ATRN: variants seen among roughly 807,000 people sequenced by gnomAD.
ATRN encodes the protein attractin-2.
ATRN carries 54 observed loss-of-function variants against 178.7 expected under a neutral mutation model. The ratio of observed to expected loss-of-function variants is 0.30; its 90% CI spans 0.24 to 0.38. The LOEUF (loss-of-function observed/expected upper bound fraction) is 0.38. ATRN is among the 10% of genes least tolerant of loss of function. The pLI, the probability that ATRN is intolerant of heterozygous loss-of-function variation, is 1.00. For missense variants in ATRN, 1,443 were observed against 1,815.1 expected (o/e 0.79, Z 3.73); for synonymous variants, 636 against 663.0 (o/e 0.96, Z 0.63).
intron 3 of ATRN, among the ~76,000 whole-genome samples, chr20:3,540,896 A>G (rs527500488): frequency 2.6e-5 from 4 of 152,250 alleles, no homozygotes; most frequent in African/African-American, 9.6e-5. Flanking sequence ...TTTTTTTTCA[A>G]TAAGTACATT....
At chr20:3,523,200 C>T (rs1168060098) in intron 1 of ATRN, among the ~76,000 whole-genome samples, 1 of 151,590 alleles carries the variant, frequency 6.6e-6, no homozygotes, top group East Asian at 1.9e-4. Flanking sequence ...ACTAGAATAA[C>T]CAGTTTAGAG....
chr20:3,552,534 A>G (rs235592), intron 6 of ATRN, among the ~76,000 whole-genome samples: 114,390 of 152,166 alleles, frequency 0.75, 43,442 homozygotes, highest in East Asian at 1. Context: ...TGGTATATTT[A>G]TGAGTTATCT....
At chr20:3,530,688 G>A (rs1215064665) in intron 1 of ATRN, among the ~76,000 whole-genome samples, 2 of 152,052 alleles carry the variant, frequency 1.3e-5, no homozygotes, top group African/African-American at 2.4e-5. Flanking sequence ...TAGAAATAGT[G>A]TTTTAAATTC....
chr20:3,528,439 T>C (rs1301308305), intron 1 of ATRN, among the ~76,000 whole-genome samples: 1 of 152,082 alleles, frequency 6.6e-6, no homozygotes, highest in Non-Finnish European at 1.5e-5. Flanking sequence ...TTGTGTCCTT[T>C]GAGCAGCATG....
intron 1 of ATRN, among the ~76,000 whole-genome samples, chr20:3,477,047 T>A (rs111476315): frequency 6.7e-6 from 1 of 148,690 alleles, no homozygotes. Context: ...TGGAGCATAG[T>A]TCACAAGTCC....
chr20:3,628,379 G>C (rs1386477848), intron 25 of ATRN, among the ~76,000 whole-genome samples: 1 of 152,174 alleles, frequency 6.6e-6, no homozygotes, highest in African/African-American at 2.4e-5. Context: ...TTGGGAACAA[G>C]ACAGAGATCC....
At chr20:3,528,330 G>A (rs2146165811) in intron 1 of ATRN, among the ~76,000 whole-genome samples, 1 of 151,518 alleles carries the variant, frequency 6.6e-6, no homozygotes, top group East Asian at 1.9e-4. Flanking sequence ...TTGCGCCATT[G>A]CACTCCAGCC....
rs988457404 is a variant in ATRN at position 3,648,055 on chromosome 20, G to A, written c.*1208G>A. ...GTGTCCTGCAGCCTCCTCTGAACTTGTGGTTCATTCTCAGGCTGGGGTGGA... is the reference window on the plus strand; with the variant it reads ...GTGTCCTGCAGCCTCCTCTGAACTTATGGTTCATTCTCAGGCTGGGGTGGA... On this transcript the variant is annotated 3_prime_UTR_variant, in exon 29 of 29. Coordinates refer to ENST00000262919, the MANE Select transcript of ATRN (RefSeq NM_139321.3). The A allele has an allele frequency of 6.6e-6, 1 of 152,228 alleles. No homozygotes were observed. Among genetic ancestry groups the A allele is most frequent in the African/African-American group, 2.4e-5 (1 of 41,436 alleles). The allele number at this position is 152,228 out of a possible 1,614,324, so 9.4% of individuals were successfully genotyped here.
chr20:3,546,399 T>G (rs1016825500), intron 4 of ATRN, among the ~76,000 whole-genome samples: 2 of 149,422 alleles, frequency 1.3e-5, no homozygotes, highest in African/African-American at 4.9e-5. Context: ...GTTTTTTTTT[T>G]TTTTTTTTTT....
At chr20:3,595,722 C>G (rs59043550) in intron 20 of ATRN, among the ~76,000 whole-genome samples, 2,920 of 152,268 alleles carry the variant, frequency 0.019, 82 homozygotes, top group African/African-American at 0.064. Context: ...ATCACCCTGG[C>G]TAAAGGGACA....
chr20:3,554,861 A>G (rs888062158), intron 6 of ATRN, among the ~76,000 whole-genome samples: 2 of 152,026 alleles, frequency 1.3e-5, no homozygotes, highest in Admixed American at 6.6e-5. Context: ...CTTGAGCAGA[A>G]AAGCTTTTTT....
intron 24 of ATRN, among the ~76,000 whole-genome samples, chr20:3,610,388 G>C (rs2086745503): frequency 6.6e-6 from 1 of 152,028 alleles, no homozygotes; most frequent in South Asian, 2.1e-4. Context: ...CCCAGAAATA[G>C]AACCACATAA....
chr20:3,498,300 G>A (rs1023850467), intron 1 of ATRN, among the ~76,000 whole-genome samples: 11 of 152,132 alleles, frequency 7.2e-5, no homozygotes, highest in Non-Finnish European at 1.5e-4. Flanking sequence ...CCAGTCAATA[G>A]AAAAAGAGGG....
At chr20:3,544,851 A>T (rs1458352657) in intron 3 of ATRN, among the ~76,000 whole-genome samples, 1 of 146,418 alleles carries the variant, frequency 6.8e-6, no homozygotes, top group Non-Finnish European at 1.5e-5. Context: ...TTTACCAGTC[A>T]CACAACAAAC....
At chr20:3,512,691 C>G (rs1257604366) in intron 1 of ATRN, among the ~76,000 whole-genome samples, 1 of 152,198 alleles carries the variant, frequency 6.6e-6, no homozygotes, top group Non-Finnish European at 1.5e-5. Flanking sequence ...ACACTGACTT[C>G]CACAATGGTT....
intron 26 of ATRN, 131 bp downstream of exon 26, chr20:3,634,520 A>C: frequency 1.4e-6 from 1 of 732,998 alleles, no homozygotes; most frequent in East Asian, 2.7e-5. Context: ...GGAATAATGC[A>C]GCCCTTTCTG....
At chr20:3,568,831 C>T (rs930754591) in intron 11 of ATRN, among the ~76,000 whole-genome samples, 3 of 152,204 alleles carry the variant, frequency 2.0e-5, no homozygotes, top group Non-Finnish European at 2.9e-5. Context: ...TCGTCACAGC[C>T]TTCTTACACT....
chr20:3,490,697 T>C (rs1292485117), intron 1 of ATRN: 1 of 804,540 alleles, frequency 1.2e-6, no homozygotes, highest in East Asian at 2.4e-5. Flanking sequence ...CAAATTTCAC[T>C]GACATTGGCA....
intron 25 of ATRN, among the ~76,000 whole-genome samples, chr20:3,625,418 A>G (rs939125405): frequency 1.3e-5 from 2 of 152,186 alleles, no homozygotes; most frequent in Non-Finnish European, 2.9e-5. Context: ...TTGAACAGTG[A>G]TTACACTACC....
Sources: allele counts gnomAD v4.1 joint callset (sites outside exome capture counted in the v4.1 genomes callset), GRCh38; gene constraint gnomAD v4.1.1; transcripts MANE v1.5; gene names NCBI Gene and HGNC (gene_info 2026-07-23, HGNC 2026-07-21).